CCDC125: variants seen among roughly 807,000 people sequenced by gnomAD.
CCDC125 encodes coiled-coil domain-containing protein 125.
A neutral mutation model predicts 57.4 loss-of-function variants in CCDC125; 43 were observed. That is an observed-to-expected ratio of 0.75 (90% CI 0.59 to 0.97). CCDC125 has a LOEUF of 0.97. Among genes scored for constraint, CCDC125 ranks in the 50% least tolerant of loss-of-function variants. The pLI, the probability that CCDC125 is intolerant of heterozygous loss-of-function variation, is 0.00. For synonymous variants in CCDC125, 187 were observed against 195.2 expected (o/e 0.96, Z 0.35); for missense variants, 563 against 595.7 (o/e 0.95, Z 0.57).
chr5:69,319,530 G>A (rs1210100683), intron 2 of CCDC125, among the ~76,000 whole-genome samples: 2 of 146,978 alleles, frequency 1.4e-5, no homozygotes, highest in Non-Finnish European at 1.5e-5. Flanking sequence ...CGCCCAGGCT[G>A]GAGTGCAGTG....
chr5:69,295,289 G>C (rs1292454747), intron 8 of CCDC125, among the ~76,000 whole-genome samples: 12 of 152,034 alleles, frequency 7.9e-5, no homozygotes, highest in Admixed American at 7.9e-4. Flanking sequence ...CTGATGCCCG[G>C]CATTCACTAC....
At chr5:69,306,189 A>G (rs1461127145) in intron 6 of CCDC125, among the ~76,000 whole-genome samples, 1 of 152,020 alleles carries the variant, frequency 6.6e-6, no homozygotes, top group Non-Finnish European at 1.5e-5. Flanking sequence ...AGGCTCCCAA[A>G]GTGCTGAAAT....
At chr5:69,311,496 C>A (rs576732079) in intron 3 of CCDC125, among the ~76,000 whole-genome samples, 3 of 152,024 alleles carry the variant, frequency 2.0e-5, no homozygotes, top group African/African-American at 7.2e-5. Flanking sequence ...ACTAAACATA[C>A]AAAAAAATTG....
At chr5:69,322,752 G>A (rs918110459) in intron 1 of CCDC125, among the ~76,000 whole-genome samples, 5 of 151,598 alleles carry the variant, frequency 3.3e-5, no homozygotes, top group Admixed American at 6.6e-5. Flanking sequence ...TAGCAGAGAC[G>A]GGGTTTCACC....
chr5:69,304,050 T>A (rs1217152800), intron 6 of CCDC125, 121 bp from the exon 7 acceptor site: 1 of 583,984 alleles, frequency 1.7e-6, no homozygotes, highest in Non-Finnish European at 2.9e-6. Context: ...TTCAAAATAG[T>A]CTGGAATTTA....
downstream of CCDC125, among the ~76,000 whole-genome samples, chr5:69,278,745 G>C (rs995394877): frequency 4.5e-5 from 6 of 132,436 alleles, no homozygotes; most frequent in Admixed American, 9.0e-5. Context: ...CTGTTGCCCA[G>C]GTTGGAGTGT....
chr5:69,298,018 A>G (rs916700343), intron 8 of CCDC125, among the ~76,000 whole-genome samples: 1 of 130,538 alleles, frequency 7.7e-6, no homozygotes, highest in African/African-American at 2.8e-5. Context: ...AACTAAAAAT[A>G]AAGTTTTTTT....
rs1752494799 is a variant in CCDC125 at position 69,281,766 on chromosome 5, A to G, written c.*963T>C. 6.6e-6 allele frequency: 1 copy of G among 152,232 alleles called. No homozygotes were observed. Among genetic ancestry groups the G allele is most frequent in the African/African-American group, 2.4e-5 (1 of 41,464 alleles). The allele number at this position is 152,232 out of a possible 1,614,324, so 9.4% of individuals were successfully genotyped here. ...TTGTTACTTTTTAGAGCATTAAGAT[A>G]CATTGCTATATTGTTGATTTAGCCA... On this transcript the variant is annotated 3_prime_UTR_variant, in exon 12 of 12. Transcript: ENST00000396496.
chr5:69,308,072 T>C, intron 4 of CCDC125, 44 bp from the exon 5 acceptor site: 2 of 1,287,270 alleles, frequency 1.6e-6, no homozygotes, highest in Non-Finnish European at 2.3e-6. Context: ...AAATTTGTAA[T>C]CACTCCTATG....
chr5:69,307,054 T>C, intron 5 of CCDC125, 152 bp from the exon 6 acceptor site: 1 of 942,246 alleles, frequency 1.1e-6, no homozygotes. Context: ...CTCTGACATT[T>C]GCAAACACAT....
intron 8 of CCDC125, among the ~76,000 whole-genome samples, chr5:69,295,340 C>A (rs575397232): frequency 8.0e-4 from 121 of 151,898 alleles, no homozygotes; most frequent in Non-Finnish European, 1.6e-3. Flanking sequence ...TCAGAAATGA[C>A]GAGGGAATTG....
intron 7 of CCDC125, 73 bp downstream of exon 7, chr5:69,303,774 T>C (rs1438198407): frequency 7.1e-6 from 6 of 841,096 alleles, no homozygotes; most frequent in Non-Finnish European, 9.6e-6. Context: ...TTATACTTAA[T>C]GTATATTATT....
chr5:69,315,452 AAAAAAAAAAC>A (rs1326499964), intron 2 of CCDC125, among the ~76,000 whole-genome samples: 14 of 5,442 alleles, frequency 2.6e-3, no homozygotes, highest in Non-Finnish European at 4.6e-3. Context: ...AAAAAAAACA[AAAAAAAAAAC>A]AAAAAAAAAA....
At chr5:69,326,502 G>A (rs1760750642) in intron 1 of CCDC125, among the ~76,000 whole-genome samples, 1 of 152,118 alleles carries the variant, frequency 6.6e-6, no homozygotes, top group African/African-American at 2.4e-5. Flanking sequence ...GCTTGTTAAG[G>A]GCAACCTCTG....
intron 1 of CCDC125, among the ~76,000 whole-genome samples, chr5:69,322,731 T>C (rs1357124324): frequency 6.6e-6 from 1 of 151,724 alleles, no homozygotes; most frequent in Non-Finnish European, 1.5e-5. Context: ...CCCGGCTAAT[T>C]TTTGTATTTT....
In CCDC125 at chr5:69,307,544, T is replaced by G. The variant is rs905483938; in HGVS notation, c.531+407A>C. ...AAAAATACAAAAAATTGGCTGGGCGTGGTGGCGGGCACCTGTAATCCCAGC... is the reference window on the plus strand; with the variant it reads ...AAAAATACAAAAAATTGGCTGGGCGGGGTGGCGGGCACCTGTAATCCCAGC... On this transcript the variant is annotated intron_variant, in intron 5 of 11. Coordinates refer to ENST00000396496, the MANE Select transcript of CCDC125 (RefSeq NM_176816.5). 156 of 165,506 alleles carry G rather than the reference T, an allele frequency of 9.4e-4. 1 individual carries two copies. Among genetic ancestry groups the G allele is most frequent in the African/African-American group, 3.4e-3 (141 of 41,616 alleles). The allele number at this position is 165,506 out of a possible 1,614,324, so 10.3% of individuals were successfully genotyped here.
chr5:69,289,846 G>A (rs1438250302), intron 10 of CCDC125, among the ~76,000 whole-genome samples: 2 of 136,224 alleles, frequency 1.5e-5, no homozygotes, highest in Admixed American at 7.6e-5. Flanking sequence ...CTGGGCAACA[G>A]GATAAGATGC....
At chr5:69,286,187 ACTAT>A (rs1180923185) in intron 10 of CCDC125, among the ~76,000 whole-genome samples, 5 of 53,940 alleles carry the variant, frequency 9.3e-5, no homozygotes, top group South Asian at 1.2e-3. Context: ...CAAATGGTAA[ACTAT>A]ATATATATAT....
At chr5:69,284,319 C>T (rs1752967297) in intron 11 of CCDC125, among the ~76,000 whole-genome samples, 2 of 152,064 alleles carry the variant, frequency 1.3e-5, no homozygotes, top group South Asian at 2.1e-4. Flanking sequence ...AAATATATAA[C>T]AGTCTAGAGA....
Sources: gnomAD v4.1 joint callset for allele counts (sites outside exome capture counted in the v4.1 genomes callset) on GRCh38, gnomAD v4.1.1 for gene constraint, MANE v1.5 for transcripts, NCBI Gene and HGNC (gene_info 2026-07-23, HGNC 2026-07-21) for gene names.